The following ABTB3 variants were observed in gnomAD, a reference collection of about 807,000 sequenced individuals.
The protein encoded by ABTB3 is ankyrin repeat- and BTB/POZ domain-containing protein 3.
At chr12:107,536,871 T>C in the ABTB3 span, among the ~76,000 whole-genome samples, 1 of 152,196 alleles carries the variant, frequency 6.6e-6, no homozygotes, top group Non-Finnish European at 1.5e-5. Context: ...ACAATTCCAC[T>C]ACTGGGCATT....
the ABTB3 span, among the ~76,000 whole-genome samples, chr12:107,499,647 G>T: frequency 1.3e-5 from 2 of 151,752 alleles, no homozygotes; most frequent in African/African-American, 2.4e-5. Flanking sequence ...TCTTCATATG[G>T]CGGCAAGAGG....
chr12:107,411,471 C>T, the ABTB3 span, among the ~76,000 whole-genome samples: 9 of 152,156 alleles, frequency 5.9e-5, no homozygotes, highest in Non-Finnish European at 1.2e-4. Context: ...CCAATAAGTG[C>T]GGTGTCTGGC....
the ABTB3 span, among the ~76,000 whole-genome samples, chr12:107,432,014 C>A: frequency 6.6e-6 from 1 of 152,194 alleles, no homozygotes; most frequent in Non-Finnish European, 1.5e-5. Flanking sequence ...TTACTGCATG[C>A]TGTTTGCAAG....
the ABTB3 span, among the ~76,000 whole-genome samples, chr12:107,444,942 C>T: frequency 6.6e-6 from 1 of 152,092 alleles, no homozygotes; most frequent in Admixed American, 6.5e-5. Flanking sequence ...ACTGACAGGC[C>T]TGTGATATGC....
the ABTB3 span, among the ~76,000 whole-genome samples, chr12:107,469,836 C>T: frequency 7.3e-6 from 1 of 137,056 alleles, no homozygotes; most frequent in East Asian, 2.0e-4. Flanking sequence ...ATCCGTCCTT[C>T]CTTTCTCTCT....
the ABTB3 span, among the ~76,000 whole-genome samples, chr12:107,589,441 G>A: frequency 6.6e-6 from 1 of 152,336 alleles, no homozygotes; most frequent in Non-Finnish European, 1.5e-5. Flanking sequence ...GTGTTCCTCT[G>A]TGTGACTCAG....
At chr12:107,556,955 T>C in the ABTB3 span, among the ~76,000 whole-genome samples, 5 of 151,992 alleles carry the variant, frequency 3.3e-5, no homozygotes, top group African/African-American at 9.7e-5. Flanking sequence ...GAGGTTGAAG[T>C]GAGCTGAGAT....
At chr12:107,493,457 A>G in the ABTB3 span, among the ~76,000 whole-genome samples, 1 of 152,170 alleles carries the variant, frequency 6.6e-6, no homozygotes, top group Non-Finnish European at 1.5e-5. Context: ...AAGCAGCCCC[A>G]TGTGTTAGAA....
At chr12:107,399,796 C>T in the ABTB3 span, among the ~76,000 whole-genome samples, 610 of 152,188 alleles carry the variant, frequency 4.0e-3, 4 homozygotes, top group African/African-American at 0.012. Context: ...GTTTTAAGCC[C>T]CACATGCATT....
chr12:107,437,150 A>G, the ABTB3 span, among the ~76,000 whole-genome samples: 2 of 152,136 alleles, frequency 1.3e-5, no homozygotes, highest in Admixed American at 1.3e-4. Flanking sequence ...TGGCTGTTGT[A>G]ACACATGACC....
At chr12:107,365,578 C>T in the ABTB3 span, among the ~76,000 whole-genome samples, 1 of 152,186 alleles carries the variant, frequency 6.6e-6, no homozygotes, top group African/African-American at 2.4e-5. Context: ...CAAGCACCTA[C>T]CAATGTGGGT....
At chr12:107,548,575 T>C in the ABTB3 span, among the ~76,000 whole-genome samples, 1 of 152,232 alleles carries the variant, frequency 6.6e-6, no homozygotes, top group African/African-American at 2.4e-5. Context: ...GAGATTTCTG[T>C]AGTCTAAGTT....
At chr12:107,655,088 C>CT in the ABTB3 span, among the ~76,000 whole-genome samples, 1 of 152,054 alleles carries the variant, frequency 6.6e-6, no homozygotes, top group Non-Finnish European at 1.5e-5. Flanking sequence ...GGCCTACCAC[C>CT]TTGGCAGTGA....
At chr12:107,620,709 G>T in the ABTB3 span, among the ~76,000 whole-genome samples, 1 of 152,164 alleles carries the variant, frequency 6.6e-6, no homozygotes, top group Non-Finnish European at 1.5e-5. Flanking sequence ...GGTCGAGAGG[G>T]TCAAATGAAC....
the ABTB3 span, among the ~76,000 whole-genome samples, chr12:107,510,032 C>T: frequency 6.6e-6 from 1 of 152,180 alleles, no homozygotes; most frequent in Non-Finnish European, 1.5e-5. Context: ...GTATCAAACA[C>T]TTTACAGAGG....
chr12:107,504,714 C>T, the ABTB3 span, among the ~76,000 whole-genome samples: 61 of 152,256 alleles, frequency 4.0e-4, no homozygotes, highest in Middle Eastern at 6.8e-3. Flanking sequence ...CAGTTGGAAG[C>T]GTGCCAGATA....
At chr12:107,585,905 T>G in the ABTB3 span, among the ~76,000 whole-genome samples, 1 of 152,184 alleles carries the variant, frequency 6.6e-6, no homozygotes, top group South Asian at 2.1e-4. Flanking sequence ...AAAGTTACTA[T>G]CCATTCCCTC....
the ABTB3 span, among the ~76,000 whole-genome samples, chr12:107,470,002 TTCTTTCTTTCTCTCTC>T: frequency 4.6e-4 from 26 of 56,802 alleles, 5 homozygotes; most frequent in African/African-American, 2.9e-3. Context: ...CTTTCTTTCT[TTCTTTCTTTCTCTCTC>T]TCTCTCTCTC....
At chr12:107,441,023 C>T in the ABTB3 span, among the ~76,000 whole-genome samples, 1 of 152,144 alleles carries the variant, frequency 6.6e-6, no homozygotes, top group Non-Finnish European at 1.5e-5. Context: ...TCAACGTCAG[C>T]CGACTAGTTG....
Sources: allele counts gnomAD v4.1 joint callset (sites outside exome capture counted in the v4.1 genomes callset), GRCh38; gene constraint gnomAD v4.1.1; transcripts MANE v1.5; gene names NCBI Gene and HGNC (gene_info 2026-07-23, HGNC 2026-07-21).